Variants in FHIT observed in about 807,000 individuals in gnomAD.
The protein encoded by FHIT is bis(5'-adenosyl)-triphosphatase.
Under a neutral mutation model 17.9 loss-of-function variants are expected in FHIT, and 19 were observed. That is an observed-to-expected ratio of 1.06 (90% CI 0.74 to 1.56). The LOEUF (loss-of-function observed/expected upper bound fraction) is 1.56, where lower values mean the gene tolerates loss of function less well. Ranked by LOEUF, FHIT falls within the 40% of genes most tolerant of loss-of-function variation. The probability of loss-of-function intolerance (pLI) is 0.00; values close to 1 mark genes in which losing one functional copy is unlikely to be tolerated. For synonymous variants in FHIT, 81 were observed against 69.7 expected (o/e 1.16, Z -0.81); for missense variants, 248 against 189.2 (o/e 1.31, Z -1.82).
At chr3:59,819,733 T>C (rs1700724894) in intron 8 of FHIT, among the ~76,000 whole-genome samples, 2 of 152,202 alleles carry the variant, frequency 1.3e-5, no homozygotes, top group East Asian at 3.8e-4. Flanking sequence ...TATTTACCTA[T>C]TCCTCTATTA....
At chr3:60,371,504 C>T (rs1697404122) in intron 5 of FHIT, among the ~76,000 whole-genome samples, 1 of 152,048 alleles carries the variant, frequency 6.6e-6, no homozygotes, top group Non-Finnish European at 1.5e-5. Context: ...AATACAAGCT[C>T]ATGCCACTGA....
At chr3:60,447,358 AAT>A (rs373412375) in intron 5 of FHIT, among the ~76,000 whole-genome samples, 33 of 152,326 alleles carry the variant, frequency 2.2e-4, no homozygotes, top group Middle Eastern at 3.4e-3. Context: ...TTTTATTCTG[AAT>A]ATGAGGTTAA....
At chr3:60,242,090 TTAA>T (rs1179191723) in intron 5 of FHIT, among the ~76,000 whole-genome samples, 2 of 152,236 alleles carry the variant, frequency 1.3e-5, no homozygotes, top group South Asian at 2.1e-4. Context: ...TAGGCCATTA[TTAA>T]TATTTGGTAA....
At chr3:60,155,648 T>G (rs1340837570) in intron 5 of FHIT, among the ~76,000 whole-genome samples, 1 of 152,212 alleles carries the variant, frequency 6.6e-6, no homozygotes, top group Non-Finnish European at 1.5e-5. Flanking sequence ...GCACAGTGAT[T>G]GATCCAGGAA....
At chr3:60,308,901 A>C (rs1300733127) in intron 5 of FHIT, among the ~76,000 whole-genome samples, 1 of 152,168 alleles carries the variant, frequency 6.6e-6, no homozygotes, top group Non-Finnish European at 1.5e-5. Context: ...AATAGCTCTG[A>C]AATTATATAC....
chr3:59,834,304 G>A (rs1701264188), intron 8 of FHIT, among the ~76,000 whole-genome samples: 1 of 152,136 alleles, frequency 6.6e-6, no homozygotes, highest in Admixed American at 6.6e-5. Flanking sequence ...GTAGTGGATG[G>A]GAGGTGCTTT....
At chr3:60,106,256 G>C (rs1211349367) in intron 5 of FHIT, among the ~76,000 whole-genome samples, 1 of 152,184 alleles carries the variant, frequency 6.6e-6, no homozygotes, top group Non-Finnish European at 1.5e-5. Flanking sequence ...ATATGCCAAG[G>C]AAAAGTCCCA....
intron 4 of FHIT, among the ~76,000 whole-genome samples, chr3:60,651,558 A>C (rs1263001815): frequency 2.6e-5 from 4 of 152,020 alleles, no homozygotes; most frequent in Admixed American, 2.6e-4. Context: ...TTTTTCAATA[A>C]ATAAATAATG....
rs547537720 is a variant in FHIT at position 60,048,636 on chromosome 3, T to G, written c.104-34484A>C. ...CGCAACGGTGGGTGAATTGTAGGAC[T>G]TCCCTCTGCTTTATGAGGGCTTAAT... is the stretch of plus-strand genomic sequence containing the variant. On this transcript the variant is annotated intron_variant, in intron 5 of 9. Coordinates refer to ENST00000492590, the MANE Select transcript of FHIT (RefSeq NM_002012.4). Among the ~76,000 whole-genome samples the G allele has an allele frequency of 3.7e-4, 56 of 152,324 alleles. No individual in the cohort carries two copies. In the South Asian group the frequency reaches 0.011, roughly 31 times the overall value.
chr3:60,308,772 A>G (rs1708804571), intron 5 of FHIT, among the ~76,000 whole-genome samples: 1 of 152,124 alleles, frequency 6.6e-6, no homozygotes, highest in Admixed American at 6.6e-5. Flanking sequence ...CACTCCTATA[A>G]TCATCTCTAT....
intron 8 of FHIT, among the ~76,000 whole-genome samples, chr3:59,824,176 C>G (rs1448020750): frequency 6.6e-6 from 1 of 152,032 alleles, no homozygotes; most frequent in Non-Finnish European, 1.5e-5. Context: ...CAAAACACTG[C>G]TGAAAGAACT....
At chr3:60,629,453 T>C (rs911137032) in intron 4 of FHIT, among the ~76,000 whole-genome samples, 2 of 152,216 alleles carry the variant, frequency 1.3e-5, no homozygotes, top group African/African-American at 4.8e-5. Context: ...TTCTGGGAAA[T>C]GGTCCATGGA....
chr3:60,071,029 C>A (rs1260657670), intron 5 of FHIT, among the ~76,000 whole-genome samples: 1 of 152,172 alleles, frequency 6.6e-6, no homozygotes, highest in Non-Finnish European at 1.5e-5. Context: ...ATAAACTTTA[C>A]CGTAGTCAGC....
chr3:61,150,024 G>A (rs919908008), intron 2 of FHIT, among the ~76,000 whole-genome samples: 21 of 152,070 alleles, frequency 1.4e-4, no homozygotes, highest in African/African-American at 5.1e-4. Context: ...CCTATAAATG[G>A]AGCCTAAGGC....
Position 59,860,084 on chromosome 3 carries a change from C to T in FHIT, c.348+62262G>A, listed in dbSNP as rs17363039. Reference sequence around the variant, plus strand: ...GTGGATAATCAGGGTGAAAGGATACCGCAGTTCTTGCTACCCTTCTGTCGG... The same window carrying T: ...GTGGATAATCAGGGTGAAAGGATACTGCAGTTCTTGCTACCCTTCTGTCGG... On this transcript the variant is annotated intron_variant, in intron 8 of 9. Coordinates refer to ENST00000492590, the MANE Select transcript of FHIT (RefSeq NM_002012.4). Among the ~76,000 whole-genome samples, 5 of 151,864 alleles carry T rather than the reference C, an allele frequency of 3.3e-5. No homozygotes were observed. In the East Asian group the frequency reaches 7.7e-4, roughly 23 times the overall value.
chr3:60,428,329 C>T (rs1010610386), intron 5 of FHIT, among the ~76,000 whole-genome samples: 2 of 152,076 alleles, frequency 1.3e-5, no homozygotes, highest in African/African-American at 4.8e-5. Context: ...GATAACTGTT[C>T]GAATTATTAC....
chr3:59,787,266 T>G (rs1025764635), intron 8 of FHIT, among the ~76,000 whole-genome samples: 3 of 152,220 alleles, frequency 2.0e-5, no homozygotes, highest in Non-Finnish European at 4.4e-5. Context: ...AAATCTTGAA[T>G]TATTTCCATG....
chr3:60,776,935 T>C (rs1700232925), intron 4 of FHIT, among the ~76,000 whole-genome samples: 1 of 152,194 alleles, frequency 6.6e-6, no homozygotes, highest in Admixed American at 6.5e-5. Flanking sequence ...TGTGTGAACA[T>C]ACTGACTACA....
intron 8 of FHIT, among the ~76,000 whole-genome samples, chr3:59,867,089 T>C (rs1400777292): frequency 6.7e-6 from 1 of 149,634 alleles, no homozygotes; most frequent in African/African-American, 2.5e-5. Flanking sequence ...AAGTAGCCTC[T>C]AATTAGTTAA....
Sources: gnomAD v4.1 joint callset for allele counts (sites outside exome capture counted in the v4.1 genomes callset) on GRCh38, gnomAD v4.1.1 for gene constraint, MANE v1.5 for transcripts, NCBI Gene and HGNC (gene_info 2026-07-23, HGNC 2026-07-21) for gene names.